PRPF40B: variants seen among roughly 807,000 people sequenced by gnomAD.
PRPF40B encodes the protein pre-mRNA processing factor 40B, also known as pre-mRNA-processing factor 40 homolog B.
A neutral mutation model predicts 124.5 loss-of-function variants in PRPF40B; 56 were observed. The observed-to-expected ratio is 0.45, with a 90% CI of 0.36 to 0.56. The LOEUF (loss-of-function observed/expected upper bound fraction) is 0.56. PRPF40B is among the 20% of genes least tolerant of loss of function. The pLI is 0.00. For synonymous variants in PRPF40B, 443 were observed against 426.4 expected, an observed-to-expected ratio of 1.04 and a Z score of -0.48; for missense variants, 1,053 against 1,169.5, an observed-to-expected ratio of 0.90 and a Z score of 1.45.
intron 18 of PRPF40B, chr12:49,638,605 A>T (rs180790787): frequency 6.6e-6 from 1 of 152,328 alleles, no homozygotes; most frequent in Non-Finnish European, 1.5e-5. Flanking sequence ...TTGTGTTCCA[A>T]AAGAAAAAAA....
At position 49,636,799 on chromosome 12, in the gene PRPF40B, G is replaced by A. The variant is rs1350928424; in HGVS notation, c.1510G>A (p.Ala504Thr). 6.2e-7 allele frequency: 1 copy of A among 1,614,206 alleles called. No homozygotes were observed. Among genetic ancestry groups the A allele is most frequent in the East Asian group, 2.2e-5 (1 of 44,890 alleles). ...EREEEEERERARLRERRQQRK... is the reference protein window; with the variant it reads ...EREEEEERERTRLRERRQQRK... ...GGAAGAGGAGGAGGAACGGGAGCGG[G>A]CCCGGCTTCGGGAGCGACGCCAACA... is the stretch of plus-strand genomic sequence containing the variant. The change falls in exon 16 of 26, where the codon GCC (alanine) becomes ACC (threonine). Residue 504 changes from alanine (A) to threonine (T), a missense_variant. Ala to Thr is a moderately conservative substitution (Grantham distance 58). This residue lies in a region of PRPF40B where 895 missense variants were observed against 1,052.2 expected (regional missense o/e 0.85). Transcript: ENST00000548825.
rs148704115 is a variant in PRPF40B, at chr12:49,636,939, G to A, written c.1560+90G>A. On this transcript the variant is annotated intron_variant, in intron 16 of 25. Transcript: ENST00000548825. ...TTCCCTGCCCCCTTCTGGATACGCT[G>A]CCTGTTCTTTCTGTGCCTAGCCCTG... 232 of 1,581,130 alleles carry A rather than the reference G, an allele frequency of 1.5e-4. 2 individuals carry two copies. The Admixed American group carries it at 2.0e-3, about 14-fold the overall frequency.
rs370305035 is a variant in PRPF40B, at chr12:49,633,951, C to A, written c.671C>A (p.Pro224Gln). Residue 224 changes from proline (P) to glutamine (Q), a missense_variant, in exon 10 of 26, where the codon CCA becomes CAA. Pro to Gln is a moderately conservative substitution (Grantham distance 76). Transcript: ENST00000548825. ...PQPPQPQPDPPPVPPGPTPVP... is the reference protein window; with the variant it reads ...PQPPQPQPDPQPVPPGPTPVP... ...CCACCTCAGCCACAGCCTGACCCCC[C>A]ACCTGTGCCTCCTGGCCCCACCCCA... The A allele has an allele frequency of 4.2e-5, 67 of 1,614,130 alleles. No individual in the cohort carries two copies. The highest frequency in any genetic ancestry group is 1.6e-4 in the South Asian group (15 of 91,096).
chr12:49,630,637 G>T lies in PRPF40B; in HGVS notation c.84+12G>T. The T allele has an allele frequency of 7.9e-7, 1 of 1,267,596 alleles. No homozygotes were observed. Among genetic ancestry groups the T allele is most frequent in the Non-Finnish European group, 1.2e-6 (1 of 866,404 alleles). The allele number at this position is 1,267,596 out of a possible 1,614,324, so 78.5% of individuals were successfully genotyped here. A position where few individuals can be genotyped will look rare whatever the true frequency, so the allele number is the denominator to read the frequency against. ...TGCCACCACCCTTCGTAAGTTTTAT[G>T]TCTTTCCCTGGGCTTGGCTTTTCCA... On this transcript the variant is annotated intron_variant, in intron 2 of 25. Coordinates refer to ENST00000548825, the MANE Select transcript of PRPF40B (RefSeq NM_001031698.3).
intron 18 of PRPF40B, 71 bp downstream of exon 18, chr12:49,637,895 A>C: frequency 7.8e-7 from 1 of 1,287,748 alleles, no homozygotes; most frequent in Non-Finnish European, 1.1e-6. Flanking sequence ...GGACTCCCTG[A>C]TAAGTCCTGT....
rs201874427 is a variant in PRPF40B at position 49,631,530 on chromosome 12, C to T, written c.214C>T (p.Pro72Ser). The T allele has an allele frequency of 1.3e-6, 2 of 1,551,070 alleles. No homozygotes were observed. The highest frequency in any genetic ancestry group is 2.8e-5 in the African/African-American group (2 of 72,088). Residue 72 changes from proline to serine, a missense_variant, in exon 3 of 26, where the codon CCA becomes TCA. Around this residue, in one of 2 missense-constraint regions of PRPF40B, gnomAD observed 158 missense variants for 117.3 expected, o/e 1.35. Transcript: ENST00000548825. The surrounding 1 kb of genome is among the most constrained non-coding windows in gnomAD (Gnocchi z 4.3). ...AATGCTTCCACCAATGGGGGCGCCA[C>T]CACCACTCACACAGGTAATTGTCTC... is the stretch of plus-strand genomic sequence containing the variant. ...PPMLPPMGAP[P>S]PLTQIPGMVP...
chr12:49,628,569 T>G (rs540548986), intron 1 of PRPF40B, among the ~76,000 whole-genome samples: 68 of 151,182 alleles, frequency 4.5e-4, no homozygotes, highest in African/African-American at 1.6e-3. Context: ...ACAGTTTTTT[T>G]TTTTTTTTTT....
chr12:49,636,030 C>G, intron 15 of PRPF40B, 37 bp downstream of exon 15: 5 of 1,611,110 alleles, frequency 3.1e-6, no homozygotes, highest in Non-Finnish European at 4.2e-6. Flanking sequence ...ATCCCTTTCC[C>G]TTTCTTTACT....
intron 6 of PRPF40B, 50 bp downstream of exon 6, chr12:49,632,930 G>A (rs1220264300): frequency 5.6e-6 from 9 of 1,612,698 alleles, no homozygotes; most frequent in Non-Finnish European, 7.6e-6. Flanking sequence ...TGAGAGTGGG[G>A]GACTGATAGT....
At position 49,643,993 on chromosome 12, in the gene PRPF40B, A is replaced by G; in HGVS notation, c.2575A>G (p.Lys859Glu). The G allele has an allele frequency of 6.2e-7, 1 of 1,614,114 alleles. No individual in the cohort carries two copies. The highest frequency in any genetic ancestry group is 8.5e-7 in the Non-Finnish European group (1 of 1,179,970). ...TAACCGTTCCCCAGGCTTTGGAATC[A>G]AGAAGGAGAAGGTGAGGGGCAGGGG... is the stretch of plus-strand genomic sequence containing the variant. Reference protein sequence around the residue: ...LPNRSPGFGIKKEKTGWDTSE... With the variant: ...LPNRSPGFGIEKEKTGWDTSE... The change falls in exon 25 of 26, where the codon AAG becomes GAG. Residue 859 changes from lysine (K) to glutamate (E), a missense_variant. Lys to Glu is a moderately conservative substitution (Grantham distance 56). This residue lies in a region of PRPF40B where 895 missense variants were observed against 1,052.2 expected (regional missense o/e 0.85). Coordinates refer to ENST00000548825, the MANE Select transcript of PRPF40B (RefSeq NM_001031698.3).
At position 49,642,742 on chromosome 12, in the gene PRPF40B, C is replaced by G; in HGVS notation, c.2118+67C>G. The G allele has an allele frequency of 6.6e-7, 1 of 1,526,024 alleles. No individual in the cohort carries two copies. Among genetic ancestry groups the G allele is most frequent in the Non-Finnish European group, 8.9e-7 (1 of 1,118,432 alleles). The allele number at this position is 1,526,024 out of a possible 1,614,324, so 94.5% of individuals were successfully genotyped here. On this transcript the variant is annotated intron_variant, in intron 21 of 25. Coordinates refer to ENST00000548825, the MANE Select transcript of PRPF40B (RefSeq NM_001031698.3). The surrounding 1 kb of genome is among the most constrained non-coding windows in gnomAD (Gnocchi z 5.8). Reference sequence around the variant, plus strand: ...ACTCATTAGACCAGTTCAACAGAGACCTCAGTGGCCTCCCTCTTACCCTTA... The same window carrying G: ...ACTCATTAGACCAGTTCAACAGAGAGCTCAGTGGCCTCCCTCTTACCCTTA...
Position 49,644,425 on chromosome 12 carries a change from G to A in PRPF40B, c.*233G>A, listed in dbSNP as rs763397566. On this transcript the variant is annotated 3_prime_UTR_variant, in exon 26 of 26. Transcript: ENST00000548825. ...CTCAGCCCCAGACCAGAGATGGGTG[G>A]TATATGCCATGTGGGGTGGGTGATG... is the stretch of plus-strand genomic sequence containing the variant. 9.1e-6 allele frequency: 5 copies of A among 551,958 alleles called. No homozygotes were observed. The highest frequency in any genetic ancestry group is 1.6e-5 in the Non-Finnish European group (5 of 304,424). 34.2% of individuals were successfully genotyped at this position (551,958 alleles called of 1,614,324 possible).
At chr12:49,623,206 A>G (rs78563203), upstream of PRPF40B, among the ~76,000 whole-genome samples, 4,730 of 152,162 alleles carry the variant, frequency 0.031, 105 homozygotes, top group Middle Eastern at 0.079. Flanking sequence ...TGCAGCGCAA[A>G]GGCACCCTAC....
At chr12:49,624,217 T>A (rs1337163448) in intron 1 of PRPF40B, 5 of 958,560 alleles carry the variant, frequency 5.2e-6, no homozygotes, top group Non-Finnish European at 5.0e-6. Flanking sequence ...ATCAATTTTT[T>A]TAAAAAGGAA....
intron 18 of PRPF40B, chr12:49,639,221 G>C (rs1197956590): frequency 6.6e-6 from 1 of 152,206 alleles, no homozygotes; most frequent in Non-Finnish European, 1.5e-5. Context: ...TGTCCTTAGG[G>C]AAGGTGGTGG....
chr12:49,634,063 C>T lies in PRPF40B; in HGVS notation c.783C>T (p.Phe261=), dbSNP rs148718734. ...LEATQPLEQG[F]LQQLEEGPSS... ...CCACCCAGCCCCTGGAACAGGGGTT[C>T]CTGCAGCAGCTGGAGGAGGGCCCCA... The change falls in exon 10 of 26, where the codon TTC becomes TTT. Residue 261 remains phenylalanine, a synonymous_variant. Transcript: ENST00000548825. The T allele has an allele frequency of 1.5e-5, 25 of 1,613,314 alleles. No individual in the cohort carries two copies. In the African/African-American group the frequency reaches 3.2e-4, roughly 21 times the overall value.
chr12:49,635,329 C>G lies in PRPF40B; in HGVS notation c.1167-36C>G. 1 of 1,608,866 alleles carries G rather than the reference C, an allele frequency of 6.2e-7. No homozygotes were observed. The highest frequency in any genetic ancestry group is 8.5e-7 in the Non-Finnish European group (1 of 1,177,518). ...AACACAAAGGTCCAGGGTCTCTGTT[C>G]TCTGTCTACCTACTCACAGCTTATA... is the stretch of plus-strand genomic sequence containing the variant. On this transcript the variant is annotated intron_variant, in intron 13 of 25. Coordinates refer to ENST00000548825, the MANE Select transcript of PRPF40B (RefSeq NM_001031698.3). This position sits in a 1 kb window ranked among gnomAD's most constrained non-coding sequence, Gnocchi z 4.1.
At position 49,631,478 on chromosome 12, in the gene PRPF40B, C is replaced by G; in HGVS notation, c.162C>G (p.Pro54=). 1 of 1,535,788 alleles carries G rather than the reference C, an allele frequency of 6.5e-7. No individual in the cohort carries two copies. The highest frequency in any genetic ancestry group is 8.7e-7 in the Non-Finnish European group (1 of 1,146,788). The change falls in exon 3 of 26, where the codon CCC becomes CCG. Residue 54 remains proline, a synonymous_variant. Transcript: ENST00000548825. The surrounding 1 kb of genome is among the most constrained non-coding windows in gnomAD (Gnocchi z 4.3). ...TGAGTCAGAGACCACCAGCTATCCC[C>G]CCCATGCCACCTGGCATCCTGCCCC... is the stretch of plus-strand genomic sequence containing the variant. ...PPMSQRPPAI[P]PMPPGILPPM... is the part of the protein sequence containing the mutation.
intron 16 of PRPF40B, 158 bp downstream of exon 16, chr12:49,637,007 G>A: frequency 9.1e-7 from 1 of 1,096,922 alleles, no homozygotes; most frequent in Non-Finnish European, 1.3e-6. Flanking sequence ...GTCTGTTTCT[G>A]CTGTACCTCC....
Sources: allele counts gnomAD v4.1 joint callset (sites outside exome capture counted in the v4.1 genomes callset), GRCh38; gene constraint gnomAD v4.1.1; regional missense constraint gnomAD v4.1.1; non-coding constraint Gnocchi (gnomAD v3.1); transcripts MANE v1.5; gene names NCBI Gene and HGNC (gene_info 2026-07-23, HGNC 2026-07-21).